Variants in DHX35 observed in about 807,000 individuals in gnomAD.
The protein encoded by DHX35 is DEAH-box helicase 35, also known as probable ATP-dependent RNA helicase DHX35.
DHX35 carries 84 observed loss-of-function variants against 99.6 expected under a neutral mutation model. That is an observed-to-expected ratio of 0.84 (90% CI 0.71 to 1.01). DHX35 has a LOEUF of 1.01. Ranked by LOEUF, DHX35 falls within the 50% of genes least tolerant of loss-of-function variation. The pLI is 0.00. For missense variants in DHX35, 852 were observed against 888.5 expected (o/e 0.96, Z 0.52); for synonymous variants, 331 against 316.2 (o/e 1.05, Z -0.50).
In DHX35 at chr20:38,992,256, A is replaced by T. The variant is rs1200264265; in HGVS notation, c.513-100A>T. On this transcript the variant is annotated intron_variant, in intron 6 of 21. Coordinates refer to ENST00000252011, the MANE Select transcript of DHX35 (RefSeq NM_021931.4). ...TTAGGTTTACTTTTGATGCAAAGTG[A>T]TTGTATGAGGACTAAATACCCAGAA... 6.4e-5 allele frequency: 59 copies of T among 921,240 alleles called. No homozygotes were observed. The East Asian group carries it at 1.4e-3, about 22-fold the overall frequency. The allele number at this position is 921,240 out of a possible 1,614,324, so 57.1% of individuals were successfully genotyped here.
intron 7 of DHX35, among the ~76,000 whole-genome samples, chr20:38,993,690 T>C (rs952245623): frequency 6.5e-4 from 98 of 151,436 alleles, no homozygotes; most frequent in Admixed American, 4.0e-3. Flanking sequence ...CTTTTCTTTT[T>C]TTTTTTTTTT....
intron 1 of DHX35, among the ~76,000 whole-genome samples, chr20:38,966,489 G>C (rs2085913275): frequency 6.6e-6 from 1 of 152,222 alleles, no homozygotes; most frequent in African/African-American, 2.4e-5. Context: ...GGCTAACATG[G>C]TGTGACCCTG....
At chr20:38,988,197 C>T (rs1432286456) in intron 4 of DHX35, among the ~76,000 whole-genome samples, 3 of 152,162 alleles carry the variant, frequency 2.0e-5, no homozygotes, top group African/African-American at 7.2e-5. Context: ...TTAACATTTT[C>T]TCATTGGCTT....
chr20:38,972,564 G>A lies in DHX35; in HGVS notation c.180G>A (p.Arg60=). ...GGTGTGTTATTCTTTTTCAGCTTAG[G>A]AATCATATTTTATACTTGATAGAAA... The part of the protein sequence containing the change: ...QRQKLPVFKL[R]NHILYLIENY... Residue 60 remains arginine (R), a synonymous_variant, in exon 3 of 22, where the codon AGG becomes AGA. Transcript: ENST00000252011. 2 of 1,603,642 alleles carry A rather than the reference G, an allele frequency of 1.2e-6. No homozygotes were observed. Among genetic ancestry groups the A allele is most frequent in the Non-Finnish European group, 8.5e-7 (1 of 1,171,236 alleles).
At position 39,018,873 on chromosome 20, in the gene DHX35, T is replaced by G. The variant is rs868486884; in HGVS notation, c.1472T>G (p.Met491Arg). 6.2e-7 allele frequency: 1 copy of G among 1,613,974 alleles called. No homozygotes were observed. The highest frequency in any genetic ancestry group is 1.3e-5 in the African/African-American group (1 of 74,910). Residue 491 changes from methionine to arginine, a missense_variant, in exon 15 of 22, where the codon ATG becomes AGG. By Grantham distance (91) the Met-to-Arg change is moderately conservative (BLOSUM62 -1). Coordinates refer to ENST00000252011, the MANE Select transcript of DHX35 (RefSeq NM_021931.4). The part of the protein sequence containing the change: ...MRIAEFPLNP[M>R]FAKMLLESGN... ...ATTGCAGAGTTTCCTTTGAATCCCATGTTTGCCAAAATGCTGCTTGAATCA... is the reference window on the plus strand; with the variant it reads ...ATTGCAGAGTTTCCTTTGAATCCCAGGTTTGCCAAAATGCTGCTTGAATCA...
chr20:38,966,396 G>C (rs180682118), intron 1 of DHX35, among the ~76,000 whole-genome samples: 1 of 152,214 alleles, frequency 6.6e-6, no homozygotes, highest in South Asian at 2.1e-4. Flanking sequence ...TCAGCTGGGC[G>C]TGGTGGCTCA....
At chr20:39,017,150 A>G (rs2086799440) in intron 14 of DHX35, among the ~76,000 whole-genome samples, 1 of 152,034 alleles carries the variant, frequency 6.6e-6, no homozygotes, top group Admixed American at 6.6e-5. Flanking sequence ...CCTAGGTTTT[A>G]TAGTTTTGGC....
chr20:39,027,391 A>G (rs984012149), intron 18 of DHX35, among the ~76,000 whole-genome samples: 6 of 152,230 alleles, frequency 3.9e-5, no homozygotes, highest in Non-Finnish European at 7.3e-5. Context: ...TTATAGAATG[A>G]TTTTATTTAA....
intron 18 of DHX35, among the ~76,000 whole-genome samples, chr20:39,026,610 T>C (rs2086961646): frequency 6.6e-6 from 1 of 152,162 alleles, no homozygotes; most frequent in South Asian, 2.1e-4. Flanking sequence ...TTCAGCTTCC[T>C]TGAGGTGTGG....
intron 12 of DHX35, among the ~76,000 whole-genome samples, chr20:39,008,220 C>G (rs1478917556): frequency 6.6e-6 from 1 of 152,144 alleles, no homozygotes; most frequent in Non-Finnish European, 1.5e-5. Flanking sequence ...TACTTCATTC[C>G]TTTTTATTAC....
At chr20:38,967,499 G>A (rs533380354) in intron 1 of DHX35, among the ~76,000 whole-genome samples, 25 of 152,360 alleles carry the variant, frequency 1.6e-4, no homozygotes, top group African/African-American at 4.6e-4. Context: ...TCTGAACCCT[G>A]TGTCATTTAC....
Position 39,003,852 on chromosome 20 carries a change from T to G in DHX35, c.956T>G (p.Leu319Arg). ...CGAGTTCTCCCCATGTATGCAGGAC[T>G]GCCTTCCTTTGAGCAAATGAAAGTG... ...HLRVLPMYAGLPSFEQMKVFE... is the reference protein window; with the variant it reads ...HLRVLPMYAGRPSFEQMKVFE... The change falls in exon 11 of 22, where the codon CTG becomes CGG. Residue 319 changes from leucine (L) to arginine (R), a missense_variant. By Grantham distance (102) the Leu-to-Arg change is moderately radical. Transcript: ENST00000252011. 6.2e-7 allele frequency: 1 copy of G among 1,614,214 alleles called. No individual in the cohort carries two copies. Among genetic ancestry groups the G allele is most frequent in the Non-Finnish European group, 8.5e-7 (1 of 1,180,042 alleles).
chr20:39,008,307 G>T (rs1406064552), intron 12 of DHX35, among the ~76,000 whole-genome samples: 1 of 152,196 alleles, frequency 6.6e-6, no homozygotes, highest in Non-Finnish European at 1.5e-5. Context: ...GGCTGTTTTT[G>T]CCTTTTGGCT....
Position 39,001,826 on chromosome 20 carries a change from A to G in DHX35, c.739A>G (p.Ile247Val), listed in dbSNP as rs766769733. The stretch of plus-strand genomic sequence containing the variant: ...GGAAGGGAGAACATTTCCGGTGGAT[A>G]TCTTTTATCTACAAAGGTTTGATGA... ...TVEGRTFPVDIFYLQSPVPDY... is the reference protein window; with the variant it reads ...TVEGRTFPVDVFYLQSPVPDY... The change falls in exon 9 of 22, where the codon ATC (isoleucine) becomes GTC (valine). Residue 247 changes from isoleucine to valine, a missense_variant. By Grantham distance (29) the Ile-to-Val change is conservative (BLOSUM62 3). Coordinates refer to ENST00000252011, the MANE Select transcript of DHX35 (RefSeq NM_021931.4). 6.2e-7 allele frequency: 1 copy of G among 1,611,866 alleles called. No individual in the cohort carries two copies. The highest frequency in any genetic ancestry group is 1.1e-5 in the South Asian group (1 of 90,760).
rs2087207989 is a variant in DHX35 at position 39,039,293 on chromosome 20, C to T, written c.*750C>T. The stretch of plus-strand genomic sequence containing the variant: ...GAGCACTCAGGAGAGTTCATCAGCT[C>T]AGATCCCACAGGGCCTCCTCTTTAG... On this transcript the variant is annotated 3_prime_UTR_variant, in exon 22 of 22. Coordinates refer to ENST00000252011, the MANE Select transcript of DHX35 (RefSeq NM_021931.4). 1 of 152,694 alleles carries T rather than the reference C, an allele frequency of 6.5e-6. No individual in the cohort carries two copies. The highest frequency in any genetic ancestry group is 2.4e-5 in the African/African-American group (1 of 41,462). 9.5% of individuals were successfully genotyped at this position (152,694 alleles called of 1,614,324 possible).
chr20:39,010,016 T>C (rs2086675108), intron 12 of DHX35, among the ~76,000 whole-genome samples: 1 of 152,202 alleles, frequency 6.6e-6, no homozygotes, highest in African/African-American at 2.4e-5. Context: ...TGATTTAATG[T>C]TTTGCTGACA....
chr20:39,014,705 G>A (rs2086754954), intron 13 of DHX35, among the ~76,000 whole-genome samples, 175 bp from the exon 14 acceptor site: 1 of 152,172 alleles, frequency 6.6e-6, no homozygotes, highest in South Asian at 2.1e-4. Context: ...GTACAAGGGT[G>A]CCTAGAAGGA....
intron 6 of DHX35, among the ~76,000 whole-genome samples, chr20:38,991,891 AG>A (rs2086343789): frequency 6.6e-6 from 1 of 152,226 alleles, no homozygotes; most frequent in South Asian, 2.1e-4. Context: ...TGTCACTCAC[AG>A]CATTAAAGCT....
intron 17 of DHX35, 147 bp from the exon 18 acceptor site, chr20:39,025,083 G>C: frequency 1.1e-6 from 1 of 888,690 alleles, no homozygotes; most frequent in Non-Finnish European, 1.6e-6. Flanking sequence ...TGTTTTGAGA[G>C]ATGGGGCAAA....
Sources: gnomAD v4.1 joint callset for allele counts (sites outside exome capture counted in the v4.1 genomes callset) on GRCh38, gnomAD v4.1.1 for gene constraint, MANE v1.5 for transcripts, NCBI Gene and HGNC (gene_info 2026-07-23, HGNC 2026-07-21) for gene names.